Variants in QTGAL observed in about 807,000 individuals in gnomAD.
QTGAL encodes the protein BGnT-like protein 1.
chr17:82,958,654 A>G, the QTGAL span, among the ~76,000 whole-genome samples: 1 of 152,166 alleles, frequency 6.6e-6, no homozygotes, highest in Non-Finnish European at 1.5e-5. Context: ...AGGGAGCTGC[A>G]GGGCTTAGGC....
chr17:83,038,503 C>T, the QTGAL span, among the ~76,000 whole-genome samples: 1 of 152,194 alleles, frequency 6.6e-6, no homozygotes, highest in South Asian at 2.1e-4. Flanking sequence ...CACCAAAATA[C>T]TTTAAATTTG....
chr17:82,942,638 C>G, the QTGAL span: 1 of 753,854 alleles, frequency 1.3e-6, no homozygotes, highest in South Asian at 1.7e-5. Context: ...GCTCTGGTGA[C>G]TTGGGGTGGA....
chr17:82,974,546 G>A, the QTGAL span, among the ~76,000 whole-genome samples: 1 of 152,210 alleles, frequency 6.6e-6, no homozygotes, highest in African/African-American at 2.4e-5. Flanking sequence ...TGAGGCAGGA[G>A]GCTGCCAGCT....
chr17:82,950,536 C>T, the QTGAL span, among the ~76,000 whole-genome samples: 1 of 152,216 alleles, frequency 6.6e-6, no homozygotes, highest in Non-Finnish European at 1.5e-5. Context: ...CCCGTTTACT[C>T]ACCTAAATGT....
chr17:83,004,966 CTG>C, the QTGAL span: 5 of 608,862 alleles, frequency 8.2e-6, no homozygotes, highest in African/African-American at 3.7e-5. Context: ...ATCTTCCACT[CTG>C]TGCGATTGAT....
chr17:82,961,137 C>A, the QTGAL span: 1 of 1,608,106 alleles, frequency 6.2e-7, no homozygotes, highest in Non-Finnish European at 8.5e-7. Context: ...CGCCGCCGCC[C>A]TTCCTGAGGT....
chr17:83,007,120 G>T, the QTGAL span: 2 of 743,294 alleles, frequency 2.7e-6, no homozygotes, highest in Non-Finnish European at 3.3e-6. Flanking sequence ...GTCTTTTCAT[G>T]TATTTTGCTC....
At chr17:82,974,460 C>T in the QTGAL span, among the ~76,000 whole-genome samples, 4 of 152,200 alleles carry the variant, frequency 2.6e-5, no homozygotes, top group South Asian at 2.1e-4. Flanking sequence ...CAGATTCAGG[C>T]GGGGCGGAGT....
the QTGAL span, chr17:82,948,629 A>G: frequency 5.9e-5 from 9 of 152,248 alleles, no homozygotes; most frequent in African/African-American, 2.2e-4. Flanking sequence ...AATAGGATAA[A>G]TTAGACTATG....
At chr17:83,034,183 A>G in the QTGAL span, among the ~76,000 whole-genome samples, 15 of 151,806 alleles carry the variant, frequency 9.9e-5, no homozygotes, top group Middle Eastern at 3.4e-3. Context: ...CAGGTGATCC[A>G]TCTGCCTCGG....
the QTGAL span, chr17:82,947,061 G>A: frequency 7.7e-7 from 1 of 1,304,354 alleles, no homozygotes; most frequent in Non-Finnish European, 1.1e-6. Context: ...CCAGGGCCAG[G>A]GGTTGGGGGT....
the QTGAL span, among the ~76,000 whole-genome samples, chr17:83,031,581 C>T: frequency 1.3e-5 from 2 of 152,214 alleles, no homozygotes; most frequent in Non-Finnish European, 2.9e-5. Flanking sequence ...GGGACAGTCA[C>T]GGGGGAGGCC....
At chr17:82,973,676 C>T in the QTGAL span, among the ~76,000 whole-genome samples, 1 of 152,146 alleles carries the variant, frequency 6.6e-6, no homozygotes, top group Admixed American at 6.5e-5. Flanking sequence ...GCGGGAACCA[C>T]ACACTGAGTT....
the QTGAL span, among the ~76,000 whole-genome samples, chr17:82,982,052 T>C: frequency 4.6e-5 from 7 of 150,622 alleles, no homozygotes; most frequent in African/African-American, 9.8e-5. Flanking sequence ...TCCGTGGTGA[T>C]GGGCCAAGCG....
At chr17:82,980,592 A>G in the QTGAL span, among the ~76,000 whole-genome samples, 2,672 of 152,328 alleles carry the variant, frequency 0.018, 29 homozygotes, top group Middle Eastern at 0.037. Context: ...GAATTCAGGG[A>G]AACACTTACT....
the QTGAL span, chr17:82,946,996 G>A: frequency 1.3e-6 from 2 of 1,554,802 alleles, no homozygotes; most frequent in Non-Finnish European, 1.7e-6. Context: ...GTCAGGAGCA[G>A]CAGATTCAGC....
chr17:82,948,626 T>C, the QTGAL span: 1 of 152,206 alleles, frequency 6.6e-6, no homozygotes, highest in Non-Finnish European at 1.5e-5. Flanking sequence ...AAAAATAGGA[T>C]AAATTAGACT....
At chr17:82,948,088 G>A in the QTGAL span, 1 of 152,230 alleles carries the variant, frequency 6.6e-6, no homozygotes, top group Non-Finnish European at 1.5e-5. Context: ...GAGGTGTAGG[G>A]GACTCCTACA....
At chr17:82,970,781 G>A in the QTGAL span, among the ~76,000 whole-genome samples, 1 of 152,198 alleles carries the variant, frequency 6.6e-6, no homozygotes, top group Non-Finnish European at 1.5e-5. Context: ...AAATACACAT[G>A]ACATTCTGGA....
Sources: allele counts gnomAD v4.1 joint callset (sites outside exome capture counted in the v4.1 genomes callset), GRCh38; gene constraint gnomAD v4.1.1; transcripts MANE v1.5; gene names NCBI Gene and HGNC (gene_info 2026-07-23, HGNC 2026-07-21).